The following COL1A2 variants were observed in gnomAD, a reference collection of about 807,000 sequenced individuals.
COL1A2 encodes collagen type I alpha 2 chain.
Under a neutral mutation model 174.3 loss-of-function variants are expected in COL1A2, and 49 were observed. The observed-to-expected ratio is 0.28, with a 90% CI of 0.22 to 0.36. The LOEUF is 0.36. Ranked by LOEUF, COL1A2 falls within the 10% of genes least tolerant of loss-of-function variation. COL1A2 has a pLI of 1.00. For missense variants in COL1A2, 1,438 were observed against 1,822.7 expected (o/e 0.79, Z 3.84); for synonymous variants, 655 against 606.6 (o/e 1.08, Z -1.17).
chr7:94,423,461 A>C (rs536506431), intron 40 of COL1A2: 3 of 359,336 alleles, frequency 8.3e-6, no homozygotes, highest in East Asian at 1.3e-4. Context: ...CCAATTTCTT[A>C]AACATACACT....
In COL1A2 at chr7:94,409,822, G is replaced by T; in HGVS notation, c.1035+1G>T. 6.2e-7 allele frequency: 1 copy of T among 1,614,040 alleles called. No individual in the cohort carries two copies. Among genetic ancestry groups the T allele is most frequent in the Non-Finnish European group, 8.5e-7 (1 of 1,179,966 alleles). On this transcript the variant is annotated splice_donor_variant, in intron 19 of 51. Coordinates refer to ENST00000297268, the MANE Select transcript of COL1A2 (RefSeq NM_000089.4). LOFTEE classifies it high-confidence loss of function. ...TGCTACTGGTGCCAGAGGACTTGTTGTAAGTGGTCATGACTGTGGTTCTCA... is the reference window on the plus strand; with the variant it reads ...TGCTACTGGTGCCAGAGGACTTGTTTTAAGTGGTCATGACTGTGGTTCTCA...
In COL1A2 at chr7:94,415,318, A is replaced by G. The variant is rs1302237184; in HGVS notation, c.1764+48A>G. The G allele has an allele frequency of 2.6e-6, 4 of 1,558,424 alleles. No individual in the cohort carries two copies. The South Asian group carries it at 4.4e-5, about 17-fold the overall frequency. On this transcript the variant is annotated intron_variant, in intron 30 of 51. Transcript: ENST00000297268. ...TCATAAACTCTGGCAATGTGTTTTT[A>G]AAAGTAGTAGTGCTTTCTCCTTAAA...
intron 48 of COL1A2, 116 bp from the exon 49 acceptor site, chr7:94,427,510 AT>A: frequency 1.5e-6 from 2 of 1,319,240 alleles, no homozygotes; most frequent in Non-Finnish European, 2.1e-6. Context: ...GAACTTGATT[AT>A]TTTTTACTGA....
At chr7:94,426,363 T>G in intron 45 of COL1A2, 60 bp from the exon 46 acceptor site, 1 of 1,416,632 alleles carries the variant, frequency 7.1e-7, no homozygotes. Context: ...GTATTTGTGG[T>G]GAAGTGAGTG....
At chr7:94,422,912 T>C (rs746985542) in intron 39 of COL1A2, 45 bp from the exon 40 acceptor site, 1 of 1,611,760 alleles carries the variant, frequency 6.2e-7, no homozygotes, top group South Asian at 1.1e-5. Flanking sequence ...TTCCAGGCCC[T>C]TGGTGATTAA....
chr7:94,430,317 T>A lies in COL1A2; in HGVS notation c.4025T>A (p.Leu1342His), dbSNP rs1792372212. Residue 1342 changes from leucine (L) to histidine (H), a missense_variant, in exon 52 of 52, where the codon CTT (leucine) becomes CAT (histidine). By Grantham distance (99) the Leu-to-His change is moderately conservative. Coordinates refer to ENST00000297268, the MANE Select transcript of COL1A2 (RefSeq NM_000089.4). Reference sequence around the variant, plus strand: ...AATAAGCCATCACGCCTGCCCTTCCTTGATATTGCACCTTTGGACATCGGT... The same window carrying A: ...AATAAGCCATCACGCCTGCCCTTCCATGATATTGCACCTTTGGACATCGGT... ...KTNKPSRLPFLDIAPLDIGGA... is the reference protein window; with the variant it reads ...KTNKPSRLPFHDIAPLDIGGA... The A allele has an allele frequency of 1.2e-6, 2 of 1,614,148 alleles. No homozygotes were observed. The highest frequency in any genetic ancestry group is 2.7e-5 in the African/African-American group (2 of 75,068).
intron 51 of COL1A2, chr7:94,429,926 T>C: frequency 2.7e-6 from 1 of 366,172 alleles, no homozygotes; most frequent in Non-Finnish European, 5.0e-6. Context: ...CAGGTCCCGC[T>C]CCCAAAGACA....
intron 50 of COL1A2, 61 bp from the exon 51 acceptor site, chr7:94,429,127 T>TTTTACTC: frequency 7.8e-7 from 1 of 1,280,502 alleles, no homozygotes; most frequent in South Asian, 1.4e-5. Flanking sequence ...TTTTTTCATG[T>TTTTACTC]TTGACTCTTA....
At position 94,409,825 on chromosome 7, in the gene COL1A2, AGTGGTCATGACT is replaced by A; in HGVS notation, c.1035+10_1035+21del. On this transcript the variant is annotated splice_donor_5th_base_variant and intron_variant, in intron 19 of 51. Coordinates refer to ENST00000297268, the MANE Select transcript of COL1A2 (RefSeq NM_000089.4). ...TACTGGTGCCAGAGGACTTGTTGTAAGTGGTCATGACTGTGGTTCTCATCATCCTGAAATACC... is the reference window on the plus strand; with the variant it reads ...TACTGGTGCCAGAGGACTTGTTGTAAGTGGTTCTCATCATCCTGAAATACC... The A allele has an allele frequency of 6.2e-7, 1 of 1,613,942 alleles. No homozygotes were observed. The highest frequency in any genetic ancestry group is 8.5e-7 in the Non-Finnish European group (1 of 1,179,912).
At position 94,418,561 on chromosome 7, in the gene COL1A2, A is replaced by G. The variant is rs368837694; in HGVS notation, c.2025+9A>G. ...GCAGAGATGGTGCTCGTGTGAGTAG[A>G]ATTTTGTTTGTATGTTTCTTCGTAC... On this transcript the variant is annotated intron_variant, in intron 33 of 51. Transcript: ENST00000297268. The G allele has an allele frequency of 2.0e-4, 315 of 1,611,110 alleles. No homozygotes were observed. The highest frequency in any genetic ancestry group is 2.6e-4 in the Non-Finnish European group (302 of 1,179,180).
chr7:94,412,518 C>A, intron 24 of COL1A2, 66 bp from the exon 25 acceptor site: 2 of 1,201,774 alleles, frequency 1.7e-6, no homozygotes, highest in Non-Finnish European at 1.2e-6. Flanking sequence ...TCCGTGGCAG[C>A]ATCATAAGCT....
In COL1A2 at chr7:94,414,244, C is replaced by A; in HGVS notation, c.1688C>A (p.Pro563His). The change falls in exon 29 of 52, where the codon CCC becomes CAC. Residue 563 changes from proline (P) to histidine (H), a missense_variant. Pro to His is a moderately conservative substitution (Grantham distance 77). Around this residue, in one of 3 missense-constraint regions of COL1A2, gnomAD observed 867 missense variants for 1,213.7 expected, o/e 0.71. Transcript: ENST00000297268. ...GFQGLPGPSG[P>H]AGEVGKPGER... ...TAGGGTCTGCCTGGCCCCTCAGGTC[C>A]CGCTGGTGAAGTTGGCAAACCAGGA... The A allele has an allele frequency of 2.5e-6, 4 of 1,614,124 alleles. No homozygotes were observed. The highest frequency in any genetic ancestry group is 2.5e-6 in the Non-Finnish European group (3 of 1,180,018).
intron 23 of COL1A2, 88 bp from the exon 24 acceptor site, chr7:94,411,980 A>G: frequency 2.8e-6 from 3 of 1,090,468 alleles, no homozygotes; most frequent in Non-Finnish European, 4.1e-6. Flanking sequence ...GTCGGGGGAA[A>G]AGGTGCCTTT....
chr7:94,426,152 A>G, intron 45 of COL1A2, 101 bp downstream of exon 45: 9 of 1,195,732 alleles, frequency 7.5e-6, no homozygotes, highest in Non-Finnish European at 1.1e-5. Flanking sequence ...TAGACTTAAT[A>G]TTTTTTAAAA....
Position 94,421,901 on chromosome 7 carries a change from T to C in COL1A2, c.2352T>C (p.Gly784=). 2.5e-6 allele frequency: 4 copies of C among 1,614,134 alleles called. No individual in the cohort carries two copies. The highest frequency in any genetic ancestry group is 3.4e-6 in the Non-Finnish European group (4 of 1,179,980). The change falls in exon 39 of 52, where the codon GGT becomes GGC. Residue 784 remains glycine (G), a splice_region_variant and synonymous_variant. Coordinates refer to ENST00000297268, the MANE Select transcript of COL1A2 (RefSeq NM_000089.4). The part of the protein sequence containing the change: ...AGSRGDGGPP[G]MTGFPGAAGR... Reference sequence around the variant, plus strand: ...ATTCTAATGTGCTTGGCTCTTAGGGTATGACTGGTTTCCCTGGTGCTGCTG... The same window carrying C: ...ATTCTAATGTGCTTGGCTCTTAGGGCATGACTGGTTTCCCTGGTGCTGCTG...
chr7:94,422,763 C>A, intron 39 of COL1A2, 194 bp from the exon 40 acceptor site: 1 of 678,062 alleles, frequency 1.5e-6, no homozygotes, highest in Non-Finnish European at 2.5e-6. Context: ...TGGTTACAGC[C>A]TCATAAAGGA....
chr7:94,399,230 C>T (rs990952497), intron 4 of COL1A2, 146 bp downstream of exon 4: 15 of 682,548 alleles, frequency 2.2e-5, no homozygotes, highest in Admixed American at 5.4e-5. Context: ...GCAGAAGAAG[C>T]GAATGAGCAT....
chr7:94,416,609 C>A, intron 31 of COL1A2, 106 bp downstream of exon 31: 1 of 912,874 alleles, frequency 1.1e-6, no homozygotes, highest in Non-Finnish European at 1.7e-6. Flanking sequence ...TATTTATTTC[C>A]AGTTCTGTGA....
intron 10 of COL1A2, 57 bp from the exon 11 acceptor site, chr7:94,405,616 A>G (rs1791779450): frequency 6.9e-7 from 1 of 1,453,044 alleles, no homozygotes; most frequent in Non-Finnish European, 9.7e-7. Context: ...GGAAGAAGTC[A>G]CTGTCTTTTT....
Sources: gnomAD v4.1 joint callset for allele counts on GRCh38, gnomAD v4.1.1 for gene constraint, gnomAD v4.1.1 regional missense constraint, MANE v1.5 for transcripts, NCBI Gene and HGNC (gene_info 2026-07-23, HGNC 2026-07-21) for gene names.